KCNIP3: variants seen among roughly 807,000 people sequenced by gnomAD.
The protein encoded by KCNIP3 is calsenilin.
KCNIP3 carries 28 observed loss-of-function variants against 35.0 expected under a neutral mutation model. The observed-to-expected ratio is 0.80, with a 90% CI of 0.59 to 1.10. The LOEUF (loss-of-function observed/expected upper bound fraction) is 1.10, where lower values mean the gene tolerates loss of function less well. KCNIP3 is among the 50% of genes least tolerant of loss of function. The probability of loss-of-function intolerance (pLI) is 0.00; values close to 1 mark genes in which losing one functional copy is unlikely to be tolerated. For synonymous variants in KCNIP3, 134 were observed against 133.8 expected, an observed-to-expected ratio of 1.00 and a Z score of -0.01; for missense variants, 295 against 338.4, an observed-to-expected ratio of 0.87 and a Z score of 1.01.
intron 2 of KCNIP3, among the ~76,000 whole-genome samples, chr2:95,362,281 T>G (rs1679817071): frequency 6.6e-6 from 1 of 152,056 alleles, no homozygotes. Context: ...TAATTTTGTA[T>G]TTTTAGTAGA....
chr2:95,320,752 G>A (rs2104225716), intron 2 of KCNIP3, among the ~76,000 whole-genome samples: 1 of 152,234 alleles, frequency 6.6e-6, no homozygotes, highest in African/African-American at 2.4e-5. Context: ...AACTCCAGGG[G>A]ACACATTCAG....
At chr2:95,308,615 G>A (rs1678236405) in intron 1 of KCNIP3, among the ~76,000 whole-genome samples, 1 of 152,238 alleles carries the variant, frequency 6.6e-6, no homozygotes, top group Non-Finnish European at 1.5e-5. Context: ...AGAGGGGCCA[G>A]CCTTTGCAGC....
At chr2:95,325,372 C>T (rs112023775) in intron 2 of KCNIP3, among the ~76,000 whole-genome samples, 6 of 152,260 alleles carry the variant, frequency 3.9e-5, no homozygotes, top group Admixed American at 2.0e-4. Flanking sequence ...AACCTGTGCC[C>T]GCCTCTGAGC....
At chr2:95,334,025 A>C (rs1278719999) in intron 2 of KCNIP3, among the ~76,000 whole-genome samples, 1 of 152,212 alleles carries the variant, frequency 6.6e-6, no homozygotes, top group Non-Finnish European at 1.5e-5. Context: ...GAAATTCCCC[A>C]AGACACCCTT....
intron 2 of KCNIP3, among the ~76,000 whole-genome samples, chr2:95,331,696 C>T (rs955430636): frequency 6.6e-6 from 1 of 152,232 alleles, no homozygotes; most frequent in Non-Finnish European, 1.5e-5. Flanking sequence ...GAGCGCCCCA[C>T]ATCCTGTTCT....
At chr2:95,374,735 C>A in intron 3 of KCNIP3, 113 bp from the exon 4 acceptor site, 1 of 1,272,408 alleles carries the variant, frequency 7.9e-7, no homozygotes, top group Non-Finnish European at 1.1e-6. Context: ...CCAGCAGTGC[C>A]ACAGGCAGCA....
At chr2:95,300,999 C>T (rs2104195566) in intron 1 of KCNIP3, among the ~76,000 whole-genome samples, 2 of 152,358 alleles carry the variant, frequency 1.3e-5, no homozygotes, top group Admixed American at 6.5e-5. Context: ...GGACAGTAGG[C>T]AGATGCCAGG....
At chr2:95,379,458 G>A in intron 5 of KCNIP3, among the ~76,000 whole-genome samples, 1 of 208 alleles carries the variant, frequency 4.8e-3, no homozygotes, top group African/African-American at 0.02. Flanking sequence ...ATCCTCGCTG[G>A]GGCCTGGTGC....
chr2:95,374,969 C>T lies in KCNIP3; in HGVS notation c.376+52C>T, dbSNP rs772601720. The T allele has an allele frequency of 6.9e-6, 11 of 1,587,408 alleles. No individual in the cohort carries two copies. In the Admixed American group the frequency reaches 1.7e-4, roughly 24 times the overall value. On this transcript the variant is annotated intron_variant, in intron 4 of 8. Coordinates refer to ENST00000295225, the MANE Select transcript of KCNIP3 (RefSeq NM_013434.5). Reference sequence around the variant, plus strand: ...TGTGTCCCAGTGTGGAGGGAGGGGACCCTCCTGCTGCCCCTTGCATCCTGG... The same window carrying T: ...TGTGTCCCAGTGTGGAGGGAGGGGATCCTCCTGCTGCCCCTTGCATCCTGG...
At chr2:95,346,489 G>T (rs547173112) in intron 2 of KCNIP3, among the ~76,000 whole-genome samples, 2 of 149,934 alleles carry the variant, frequency 1.3e-5, no homozygotes, top group South Asian at 2.1e-4. Context: ...GGCAGGCGCG[G>T]GGGGGCCGCA....
At chr2:95,302,004 G>C (rs2104197573) in intron 1 of KCNIP3, among the ~76,000 whole-genome samples, 1 of 152,284 alleles carries the variant, frequency 6.6e-6, no homozygotes. Context: ...GCCTATGTCT[G>C]TCTGTGCCCA....
At chr2:95,299,616 A>G (rs1029243783) in intron 1 of KCNIP3, among the ~76,000 whole-genome samples, 17 of 152,248 alleles carry the variant, frequency 1.1e-4, no homozygotes, top group African/African-American at 4.1e-4. Flanking sequence ...TCTTAGGAGA[A>G]AGGAGCGAAA....
At chr2:95,338,478 T>A (rs1200787922) in intron 2 of KCNIP3, among the ~76,000 whole-genome samples, 1 of 151,684 alleles carries the variant, frequency 6.6e-6, no homozygotes, top group African/African-American at 2.4e-5. Context: ...GCAACAAGAG[T>A]ATGCTAGCTG....
At chr2:95,353,556 T>C (rs1167724847) in intron 2 of KCNIP3, among the ~76,000 whole-genome samples, 1 of 152,148 alleles carries the variant, frequency 6.6e-6, no homozygotes, top group African/African-American at 2.4e-5. Flanking sequence ...ACCTTCCTCA[T>C]CTGTAGAATG....
chr2:95,312,163 G>A (rs1331771532), intron 2 of KCNIP3: 1 of 152,306 alleles, frequency 6.6e-6, no homozygotes, highest in Non-Finnish European at 1.5e-5. Flanking sequence ...GTGCTGCAGT[G>A]GTACCCTCCC....
chr2:95,317,322 G>C (rs1335379308), intron 2 of KCNIP3, among the ~76,000 whole-genome samples: 2 of 152,204 alleles, frequency 1.3e-5, no homozygotes, highest in African/African-American at 4.8e-5. Flanking sequence ...GAGCTCAGGA[G>C]TGACGCCCAC....
At chr2:95,361,775 T>C (rs550294021) in intron 2 of KCNIP3, among the ~76,000 whole-genome samples, 27 of 152,126 alleles carry the variant, frequency 1.8e-4, no homozygotes, top group Non-Finnish European at 3.5e-4. Flanking sequence ...GCACCTCCCA[T>C]GCACAGGCAC....
intron 2 of KCNIP3, among the ~76,000 whole-genome samples, chr2:95,350,208 T>C (rs1436181442): frequency 1.3e-5 from 2 of 152,162 alleles, no homozygotes; most frequent in African/African-American, 4.8e-5. Flanking sequence ...AGGTCCTCCT[T>C]GTCCCTCTGT....
At chr2:95,329,924 G>A (rs1226300768) in intron 2 of KCNIP3, among the ~76,000 whole-genome samples, 1 of 152,166 alleles carries the variant, frequency 6.6e-6, no homozygotes, top group African/African-American at 2.4e-5. Context: ...GCCAACTCAG[G>A]GCCTTCGCCC....
Sources: gnomAD v4.1 joint callset for allele counts (sites outside exome capture counted in the v4.1 genomes callset) on GRCh38, gnomAD v4.1.1 for gene constraint, MANE v1.5 for transcripts, NCBI Gene and HGNC (gene_info 2026-07-23, HGNC 2026-07-21) for gene names.